The following EML5 variants were observed in gnomAD, a reference collection of about 807,000 sequenced individuals.
EML5 encodes the protein EMAP like 5.
EML5 carries 120 observed loss-of-function variants against 250.0 expected under a neutral mutation model. The ratio of observed to expected loss-of-function variants is 0.48; its 90% CI spans 0.41 to 0.56. The LOEUF is 0.56. EML5 is among the 20% of genes least tolerant of loss of function. The probability of loss-of-function intolerance (pLI) is 0.00; values close to 1 mark genes in which losing one functional copy is unlikely to be tolerated. For missense variants in EML5, 2,006 were observed against 2,437.6 expected (o/e 0.82, Z 3.73); for synonymous variants, 771 against 806.5 (o/e 0.96, Z 0.75).
Position 88,620,786 on chromosome 14 carries a change from C to G in EML5, c.5343G>C (p.Lys1781Asn), listed in dbSNP as rs1156340765. 6.2e-7 allele frequency: 1 copy of G among 1,605,014 alleles called. No homozygotes were observed. Among genetic ancestry groups the G allele is most frequent in the Non-Finnish European group, 8.5e-7 (1 of 1,177,188 alleles). ...LVSSLKIWGK[K>N]RDRRCAIHDI... ...CATGGATTGCACATCTCCTGTCTCT[C>G]TTCTTTCCCCATATTTTTAGAGAAC... Residue 1781 changes from lysine (K) to asparagine (N), a missense_variant, in exon 39 of 44, where the codon AAG (lysine) becomes AAC (asparagine). By Grantham distance (94) the Lys-to-Asn change is moderately conservative. This residue lies in a region of EML5 where 405 missense variants were observed against 523.3 expected (regional missense o/e 0.77). Transcript: ENST00000554922. This position sits in a 1 kb window ranked among gnomAD's most constrained non-coding sequence, Gnocchi z 4.3.
intron 1 of EML5, among the ~76,000 whole-genome samples, chr14:88,791,054 C>A (rs1027429589): frequency 6.6e-6 from 1 of 152,094 alleles, no homozygotes; most frequent in Admixed American, 6.5e-5. Context: ...CAGAGCACCA[C>A]CTCATTCCTT....
chr14:88,619,667 T>A (rs1203718858), intron 39 of EML5: 4 of 151,326 alleles, frequency 2.6e-5, no homozygotes, highest in African/African-American at 9.8e-5. Flanking sequence ...ATGACACAAC[T>A]TGAATCTTGG....
At chr14:88,750,729 G>T (rs139781379) in intron 2 of EML5, among the ~76,000 whole-genome samples, 1 of 152,250 alleles carries the variant, frequency 6.6e-6, no homozygotes, top group East Asian at 1.9e-4. Flanking sequence ...AGTTTGTTAT[G>T]ACTCTCCATC....
At chr14:88,774,549 C>T (rs2094429688) in intron 1 of EML5, among the ~76,000 whole-genome samples, 1 of 152,132 alleles carries the variant, frequency 6.6e-6, no homozygotes, top group Admixed American at 6.5e-5. Flanking sequence ...TATAGCAAAA[C>T]TTCGCTAAGG....
intron 1 of EML5, among the ~76,000 whole-genome samples, chr14:88,773,695 G>A (rs1448859510): frequency 1.3e-5 from 2 of 152,180 alleles, no homozygotes; most frequent in Non-Finnish European, 1.5e-5. Flanking sequence ...GGTAAGGCTT[G>A]GCCATTGGTG....
intron 14 of EML5, among the ~76,000 whole-genome samples, chr14:88,701,407 C>T (rs549493763): frequency 6.6e-6 from 1 of 152,304 alleles, no homozygotes; most frequent in South Asian, 2.1e-4. Flanking sequence ...TGTATCACAA[C>T]TCAGAATGTG....
chr14:88,669,001 A>G (rs962786033), intron 21 of EML5, among the ~76,000 whole-genome samples: 1 of 151,966 alleles, frequency 6.6e-6, no homozygotes, highest in Non-Finnish European at 1.5e-5. Flanking sequence ...TGGGACTGAC[A>G]AGGTGGTTGG....
chr14:88,711,962 A>G (rs890920152), intron 10 of EML5, among the ~76,000 whole-genome samples: 1 of 151,950 alleles, frequency 6.6e-6, no homozygotes, highest in African/African-American at 2.4e-5. Context: ...AAAAAAATAC[A>G]ACCATCATTG....
intron 17 of EML5, among the ~76,000 whole-genome samples, chr14:88,690,142 C>G (rs765964246): frequency 6.6e-6 from 1 of 152,082 alleles, no homozygotes; most frequent in Non-Finnish European, 1.5e-5. Context: ...TCCAGGGAGA[C>G]AAGTATGGAG....
chr14:88,659,667 C>T (rs982043505), intron 25 of EML5, among the ~76,000 whole-genome samples: 4 of 152,218 alleles, frequency 2.6e-5, no homozygotes, highest in South Asian at 2.1e-4. Context: ...AAGGGATCTA[C>T]ACCATCTGGA....
At chr14:88,633,148 A>C (rs1251191455) in intron 33 of EML5, among the ~76,000 whole-genome samples, 1 of 152,196 alleles carries the variant, frequency 6.6e-6, no homozygotes, top group African/African-American at 2.4e-5. Flanking sequence ...TGCCTCAGCT[A>C]TCTACTCCTG....
In EML5 at chr14:88,646,735, G is replaced by A. The variant is rs535075644; in HGVS notation, c.4028+212C>T. On this transcript the variant is annotated intron_variant, in intron 29 of 43. Transcript: ENST00000554922. ...ACTTATAAAATTATACAAGTTGAAT[G>A]GATAAGTTTTAGTAAAGCAGTTACT... Among the ~76,000 whole-genome samples, 5 of 152,116 alleles carry A rather than the reference G, an allele frequency of 3.3e-5. No homozygotes were observed. In the South Asian group the frequency reaches 6.2e-4, roughly 19 times the overall value.
intron 29 of EML5, among the ~76,000 whole-genome samples, chr14:88,645,494 T>G (rs1208570863): frequency 1.3e-5 from 2 of 152,236 alleles, no homozygotes; most frequent in Non-Finnish European, 2.9e-5. Context: ...CAGAGTATCT[T>G]CACATGGCAG....
chr14:88,722,022 A>G (rs2093597671), intron 8 of EML5, among the ~76,000 whole-genome samples: 1 of 152,220 alleles, frequency 6.6e-6, no homozygotes, highest in African/African-American at 2.4e-5. Flanking sequence ...AAAGCTCAAC[A>G]TCACTGATTA....
chr14:88,778,335 T>C (rs1218465464), intron 1 of EML5, among the ~76,000 whole-genome samples: 2 of 152,232 alleles, frequency 1.3e-5, no homozygotes. Flanking sequence ...TCCTGCAAGT[T>C]TGGGGCTCTC....
chr14:88,633,802 G>C (rs2090571128), intron 33 of EML5, among the ~76,000 whole-genome samples: 1 of 150,582 alleles, frequency 6.6e-6, no homozygotes, highest in African/African-American at 2.4e-5. Context: ...CTGAGAACAG[G>C]GTCTCACTAT....
chr14:88,670,399 C>A (rs1344008293), intron 21 of EML5, among the ~76,000 whole-genome samples: 1 of 150,864 alleles, frequency 6.6e-6, no homozygotes, highest in East Asian at 1.9e-4. Flanking sequence ...CCTGCAAAAA[C>A]CCCATCCAAA....
chr14:88,751,939 T>C (rs576516129), intron 2 of EML5, among the ~76,000 whole-genome samples: 1 of 152,312 alleles, frequency 6.6e-6, no homozygotes, highest in East Asian at 1.9e-4. Context: ...AATAAGGAGA[T>C]AATAATAGCA....
chr14:88,694,326 C>T lies in EML5; in HGVS notation c.2520G>A (p.Met840Ile), dbSNP rs2093028322. The change falls in exon 17 of 44, where the codon ATG becomes ATA. Residue 840 changes from methionine to isoleucine, a missense_variant. Physicochemically the swap from Met to Ile is conservative, Grantham distance 10. Transcript: ENST00000554922. The stretch of plus-strand genomic sequence containing the variant: ...TCTTACCTGCTTTACGCCAAAATTT[C>T]ATGTGTTTAATTCCAGCTGTAATTA... ...DKLITAGIKH[M>I]KFWRKAGGGL... The T allele has an allele frequency of 1.3e-6, 2 of 1,586,662 alleles. No individual in the cohort carries two copies. Among genetic ancestry groups the T allele is most frequent in the South Asian group, 1.2e-5 (1 of 86,178 alleles).
Sources: gnomAD v4.1 joint callset for allele counts (sites outside exome capture counted in the v4.1 genomes callset) on GRCh38, gnomAD v4.1.1 for gene constraint, gnomAD v4.1.1 regional missense constraint, Gnocchi (gnomAD v3.1) non-coding constraint, MANE v1.5 for transcripts, NCBI Gene and HGNC (gene_info 2026-07-23, HGNC 2026-07-21) for gene names.